SDHAF4: variants seen among roughly 807,000 people sequenced by gnomAD.
SDHAF4 encodes the protein succinate dehydrogenase complex assembly factor 4, also known as succinate dehydrogenase assembly factor 4, mitochondrial.
In SDHAF4, 14 loss-of-function variants were observed where a neutral mutation model predicts 14.3. The ratio of observed to expected loss-of-function variants is 0.98; its 90% CI spans 0.65 to 1.53. The LOEUF is 1.53. SDHAF4 is among the 40% of genes most tolerant of loss of function. SDHAF4 has a pLI of 0.00. For synonymous variants in SDHAF4, 63 were observed against 47.3 expected (o/e 1.33, Z -1.36); for missense variants, 141 against 129.3 (o/e 1.09, Z -0.44).
chr6:70,585,592 A>G (rs1395045464), intron 2 of SDHAF4, among the ~76,000 whole-genome samples: 1 of 152,216 alleles, frequency 6.6e-6, no homozygotes, highest in Non-Finnish European at 1.5e-5. Context: ...TGGCAGCTCA[A>G]GCTAAGACAT....
chr6:70,567,272 A>T, intron 1 of SDHAF4: 1 of 507,336 alleles, frequency 2.0e-6, no homozygotes, highest in Non-Finnish European at 3.5e-6. Context: ...GCGGTGGCCC[A>T]ACAGGACCAC....
At chr6:70,574,203 C>G (rs998089870) in intron 1 of SDHAF4, among the ~76,000 whole-genome samples, 13 of 151,966 alleles carry the variant, frequency 8.6e-5, no homozygotes, top group Non-Finnish European at 1.6e-4. Flanking sequence ...TGCCTGTAAT[C>G]CCAGCTATTG....
At chr6:70,568,118 C>T (rs1049231410) in intron 1 of SDHAF4, among the ~76,000 whole-genome samples, 1 of 152,196 alleles carries the variant, frequency 6.6e-6, no homozygotes, top group African/African-American at 2.4e-5. Context: ...CAAATACAAA[C>T]ATTTTACTTA....
chr6:70,592,870 T>C (rs1036768459), downstream of SDHAF4, among the ~76,000 whole-genome samples: 50 of 152,320 alleles, frequency 3.3e-4, no homozygotes, highest in African/African-American at 1.1e-3. Flanking sequence ...GAGATTAATA[T>C]GGCTAGAAAG....
intron 1 of SDHAF4, among the ~76,000 whole-genome samples, chr6:70,578,078 T>C (rs1370739198): frequency 6.6e-6 from 1 of 152,196 alleles, no homozygotes; most frequent in African/African-American, 2.4e-5. Flanking sequence ...AGTTTTCTTT[T>C]GGGTATATAC....
Position 70,579,405 on chromosome 6 carries a change from C to G in SDHAF4, c.65-9C>G. 1 of 1,486,050 alleles carries G rather than the reference C, an allele frequency of 6.7e-7. No individual in the cohort carries two copies. 92.1% of individuals were successfully genotyped at this position (1,486,050 alleles called of 1,614,324 possible). On this transcript the variant is annotated splice_polypyrimidine_tract_variant and intron_variant, in intron 1 of 2. Coordinates refer to ENST00000370474, the MANE Select transcript of SDHAF4 (RefSeq NM_145267.3). Reference sequence around the variant, plus strand: ...AGCTCCTATTTTTCTATTATCTCCACTCTTCTAGGATCACCCCTTCTGTGT... The same window carrying G: ...AGCTCCTATTTTTCTATTATCTCCAGTCTTCTAGGATCACCCCTTCTGTGT...
downstream of SDHAF4, among the ~76,000 whole-genome samples, chr6:70,590,816 A>T (rs1045270454): frequency 1.3e-5 from 2 of 152,198 alleles, no homozygotes; most frequent in African/African-American, 2.4e-5. Context: ...GAATTGGTTC[A>T]TGCAGTTCTA....
At chr6:70,579,990 G>A (rs1455932645) in intron 2 of SDHAF4, among the ~76,000 whole-genome samples, 4 of 151,930 alleles carry the variant, frequency 2.6e-5, no homozygotes, top group African/African-American at 7.3e-5. Context: ...ATAACTCAAC[G>A]AAAAGTCAAA....
chr6:70,585,439 A>G (rs952352368), intron 2 of SDHAF4, among the ~76,000 whole-genome samples: 1 of 152,274 alleles, frequency 6.6e-6, no homozygotes, highest in Non-Finnish European at 1.5e-5. Flanking sequence ...AGGACACAGC[A>G]AGAAGCGACC....
intron 2 of SDHAF4, among the ~76,000 whole-genome samples, chr6:70,587,191 C>CACACACACACACACAG (rs1765212439): frequency 6.8e-6 from 1 of 148,102 alleles, no homozygotes; most frequent in African/African-American, 2.5e-5. Flanking sequence ...CACACACACA[C>CACACACACACACACAG]ACACACAAGA....
At chr6:70,570,497 A>AT (rs1428115272) in intron 1 of SDHAF4, among the ~76,000 whole-genome samples, 5 of 151,440 alleles carry the variant, frequency 3.3e-5, no homozygotes, top group South Asian at 2.1e-4. Flanking sequence ...TAATTTTTAT[A>AT]TTTTTTTTAG....
At chr6:70,595,793 G>A in the SDHAF4 span, among the ~76,000 whole-genome samples, 75 of 143,188 alleles carry the variant, frequency 5.2e-4, 1 homozygote, top group Admixed American at 1.2e-3. Context: ...CTGAGATCAC[G>A]CCACTGCACT....
In SDHAF4 at chr6:70,579,572, TATA is replaced by T. The variant is rs1802296007; in HGVS notation, c.217+11_217+13del. 6.3e-7 allele frequency: 1 copy of T among 1,577,722 alleles called. No homozygotes were observed. Among genetic ancestry groups the T allele is most frequent in the African/African-American group, 1.4e-5 (1 of 73,314 alleles). ...AGAGAAAGAACCACTGGAAAGTAAG[TATA>T]ATAAAGCACCTCTCAGTTTTTGAAG... On this transcript the variant is annotated splice_region_variant and intron_variant, in intron 2 of 2. Coordinates refer to ENST00000370474, the MANE Select transcript of SDHAF4 (RefSeq NM_145267.3).
downstream of SDHAF4, among the ~76,000 whole-genome samples, chr6:70,591,334 A>ATTTT (rs76350573): frequency 2.4e-4 from 24 of 101,276 alleles, 1 homozygote; most frequent in East Asian, 6.3e-4. Flanking sequence ...GAGAGGAAAG[A>ATTTT]TTTTTTTTTT....
intron 2 of SDHAF4, among the ~76,000 whole-genome samples, chr6:70,584,976 A>G (rs1581931769): frequency 6.6e-6 from 1 of 152,192 alleles, no homozygotes; most frequent in East Asian, 1.9e-4. Flanking sequence ...AAAGCACTGG[A>G]TAAGTAAATG....
chr6:70,571,696 TTTTG>T (rs1371408264), intron 1 of SDHAF4, among the ~76,000 whole-genome samples: 2 of 152,202 alleles, frequency 1.3e-5, no homozygotes, highest in African/African-American at 4.8e-5. Context: ...CTTTGTTAGA[TTTTG>T]TTTAAGATTG....
At chr6:70,593,572 C>G (rs1489394230), downstream of SDHAF4, among the ~76,000 whole-genome samples, 2 of 152,208 alleles carry the variant, frequency 1.3e-5, no homozygotes, top group African/African-American at 4.8e-5. Context: ...TGGACTACAG[C>G]AAGCAAAGCC....
downstream of SDHAF4, among the ~76,000 whole-genome samples, chr6:70,593,707 A>G (rs1187182024): frequency 6.7e-6 from 1 of 148,692 alleles, no homozygotes; most frequent in Non-Finnish European, 1.5e-5. Context: ...TGTGTGTGTG[A>G]TGGAGTCTCA....
chr6:70,594,428 G>A (rs1248611262), downstream of SDHAF4, among the ~76,000 whole-genome samples: 1 of 152,088 alleles, frequency 6.6e-6, no homozygotes, highest in Non-Finnish European at 1.5e-5. Context: ...AGGTCATAAG[G>A]GTGAGGCATT....
Sources: gnomAD v4.1 joint callset for allele counts (sites outside exome capture counted in the v4.1 genomes callset) on GRCh38, gnomAD v4.1.1 for gene constraint, MANE v1.5 for transcripts, NCBI Gene and HGNC (gene_info 2026-07-23, HGNC 2026-07-21) for gene names.